Variants in ANKDD1A observed in about 807,000 individuals in gnomAD.
The protein encoded by ANKDD1A is ankyrin repeat and death domain containing 1A, also known as ankyrin repeat and death domain-containing protein 1A.
Under a neutral mutation model 63.5 loss-of-function variants are expected in ANKDD1A, and 59 were observed. The ratio of observed to expected loss-of-function variants is 0.93; its 90% CI spans 0.75 to 1.15. ANKDD1A has a LOEUF of 1.15. Ranked by LOEUF, ANKDD1A falls within the 50% of genes most tolerant of loss-of-function variation. ANKDD1A has a pLI of 0.00. For missense variants in ANKDD1A, 632 were observed against 656.4 expected (o/e 0.96, Z 0.41); for synonymous variants, 266 against 263.9 (o/e 1.01, Z -0.08).
chr15:64,917,335 A>G (rs749274219), intron 2 of ANKDD1A, 51 bp from the exon 3 acceptor site: 1 of 1,549,042 alleles, frequency 6.5e-7, no homozygotes, highest in East Asian at 2.3e-5. Context: ...GAGGTGGTCC[A>G]GGCAGCCAGG....
At position 64,942,539 on chromosome 15, in the gene ANKDD1A, G is replaced by C. The variant is rs373786884; in HGVS notation, c.940G>C (p.Asp314His). ...CTTGGTCCGGCTCCTCATCAACTCC[G>C]ACAGTGACGTGAATGCCGTGGACAA... ...PALVRLLINS[D>H]SDVNAVDNRQ... Residue 314 changes from aspartate (D) to histidine (H), a missense_variant, in exon 10 of 15, where the codon GAC (aspartate) becomes CAC (histidine). Coordinates refer to ENST00000319580, the MANE Select transcript of ANKDD1A (RefSeq NM_182703.6). The C allele has an allele frequency of 1.2e-6, 2 of 1,613,778 alleles. No individual in the cohort carries two copies. The highest frequency in any genetic ancestry group is 1.3e-5 in the African/African-American group (1 of 75,008).
Position 64,911,973 on chromosome 15 carries a change from G to A in ANKDD1A, c.34+9G>A. On this transcript the variant is annotated intron_variant, in intron 1 of 14. Transcript: ENST00000319580. ...GTGGGAGACCGACGGCCGTGAGTCT[G>A]CCTGGAGGAGGGAGGGGGGCGGGCC... 1.5e-6 allele frequency: 1 copy of A among 682,348 alleles called. No homozygotes were observed. The highest frequency in any genetic ancestry group is 5.1e-5 in the East Asian group (1 of 19,620). 42.3% of individuals were successfully genotyped at this position (682,348 alleles called of 1,614,324 possible).
At chr15:64,952,807 T>TCTTC (rs2085321494) in intron 14 of ANKDD1A, among the ~76,000 whole-genome samples, 3 of 145,062 alleles carry the variant, frequency 2.1e-5, no homozygotes, top group Non-Finnish European at 3.0e-5. Flanking sequence ...TTCTTCTCCT[T>TCTTC]CTCCTCCTTC....
intron 9 of ANKDD1A, among the ~76,000 whole-genome samples, chr15:64,935,222 T>C (rs1264661577): frequency 7.5e-5 from 5 of 66,818 alleles, no homozygotes; most frequent in South Asian, 8.3e-4. Flanking sequence ...TGAGACTCTG[T>C]CTCAAAAAAA....
rs1277861527 is a variant in ANKDD1A at position 64,945,607 on chromosome 15, C to CTTTATATATATATATATATAT, written c.1161+860_1161+861insTTTATATATATATATATATAT. On this transcript the variant is annotated intron_variant, in intron 12 of 14. Transcript: ENST00000319580. ...TTAGAGGGATTAAATGCATTTTCAACATATATATATATATATATATATATG... is the reference window on the plus strand; with the variant it reads ...TTAGAGGGATTAAATGCATTTTCAACTTTATATATATATATATATATATATATATATATATATATATATATG... Among the ~76,000 whole-genome samples the CTTTATATATATATATATATAT allele has an allele frequency of 2.3e-4, 17 of 73,860 alleles. 1 individual carries two copies. Among genetic ancestry groups the CTTTATATATATATATATATAT allele is most frequent in the African/African-American group, 1.0e-3 (17 of 16,200 alleles). 48.5% of individuals were successfully genotyped at this position (73,860 alleles called of 152,430 possible). A position where few individuals can be genotyped will look rare whatever the true frequency, so the allele number is the denominator to read the frequency against.
In ANKDD1A at chr15:64,931,599, C is replaced by T. The variant is rs760731337; in HGVS notation, c.768+14C>T. 20 of 1,613,168 alleles carry T rather than the reference C, an allele frequency of 1.2e-5. No individual in the cohort carries two copies. Among genetic ancestry groups the T allele is most frequent in the Admixed American group, 1.7e-5 (1 of 59,996 alleles). On this transcript the variant is annotated intron_variant, in intron 8 of 14. Coordinates refer to ENST00000319580, the MANE Select transcript of ANKDD1A (RefSeq NM_182703.6). ...GCCCTCACCCAGGTAGCCAGGCCCT[C>T]CCAAGACTGCGGTCGGCTCTTGGCT...
chr15:64,916,330 CTT>C (rs1040956905), intron 2 of ANKDD1A, among the ~76,000 whole-genome samples: 35 of 139,974 alleles, frequency 2.5e-4, no homozygotes, highest in Admixed American at 3.6e-4. Flanking sequence ...GGCTTTTTTT[CTT>C]TTTTTTTTTT....
At chr15:64,954,912 CTTCT>C (rs1184848664) in intron 14 of ANKDD1A, among the ~76,000 whole-genome samples, 2 of 67,282 alleles carry the variant, frequency 3.0e-5, no homozygotes, top group Non-Finnish European at 7.8e-5. Context: ...TCTCTTGTCT[CTTCT>C]CTCTCCTTCT....
intron 12 of ANKDD1A, 74 bp downstream of exon 12, chr15:64,944,821 A>G (rs2085211028): frequency 1.3e-6 from 2 of 1,517,544 alleles, no homozygotes; most frequent in Non-Finnish European, 1.8e-6. Flanking sequence ...GCTGGCTTTG[A>G]ACCCTAGGCC....
chr15:64,931,758 A>C, intron 8 of ANKDD1A, 173 bp downstream of exon 8: 1 of 663,632 alleles, frequency 1.5e-6, no homozygotes, highest in Non-Finnish European at 2.6e-6. Context: ...GGAGCAAGTT[A>C]CTTAACCTCT....
chr15:64,955,534 C>T (rs1462066070), intron 14 of ANKDD1A, among the ~76,000 whole-genome samples: 1 of 152,156 alleles, frequency 6.6e-6, no homozygotes, highest in East Asian at 1.9e-4. Context: ...GGATGTGTTT[C>T]TGGGGAATTG....
At chr15:64,930,426 A>C (rs2085080427) in intron 6 of ANKDD1A, among the ~76,000 whole-genome samples, 1 of 152,058 alleles carries the variant, frequency 6.6e-6, no homozygotes, top group Non-Finnish European at 1.5e-5. Flanking sequence ...AGGCCATGCT[A>C]CTCAATGAGA....
chr15:64,951,030 CCTT>C, intron 14 of ANKDD1A: 1 of 1,262,282 alleles, frequency 7.9e-7, no homozygotes, highest in Non-Finnish European at 1.0e-6. Context: ...AGGGGCCAGA[CCTT>C]CAGGCACGTG....
chr15:64,931,098 C>T (rs1023580359), intron 7 of ANKDD1A, among the ~76,000 whole-genome samples, 178 bp downstream of exon 7: 1 of 152,184 alleles, frequency 6.6e-6, no homozygotes, highest in African/African-American at 2.4e-5. Flanking sequence ...AATGGTAGTA[C>T]TTGGCATGAT....
intron 14 of ANKDD1A, chr15:64,950,314 T>A (rs2140384292): frequency 1.0e-6 from 1 of 985,404 alleles, no homozygotes; most frequent in South Asian, 4.7e-5. Flanking sequence ...CCTCCAGACT[T>A]TTTTCACAAA....
intron 14 of ANKDD1A, among the ~76,000 whole-genome samples, chr15:64,953,653 C>CTT (rs1369863271): frequency 0.83 from 111,052 of 133,116 alleles, 48,880 homozygotes; most frequent in East Asian, 0.98. Context: ...CTTCCTTCTC[C>CTT]TTCTTTTCTT....
chr15:64,912,130 A>AG (rs1467272953), intron 1 of ANKDD1A, among the ~76,000 whole-genome samples, 166 bp downstream of exon 1: 2 of 152,038 alleles, frequency 1.3e-5, no homozygotes, highest in Admixed American at 1.3e-4. Flanking sequence ...CACTGGGCCG[A>AG]GGGGACCTTG....
At chr15:64,954,854 TTCTTTC>T (rs1222162709) in intron 14 of ANKDD1A, among the ~76,000 whole-genome samples, 1 of 74,110 alleles carries the variant, frequency 1.3e-5, no homozygotes, top group Non-Finnish European at 3.0e-5. Context: ...TTCCTTCTTC[TTCTTTC>T]TTCTCCTTTT....
chr15:64,925,227 C>CAAAAAAAAA (rs769786433), intron 4 of ANKDD1A, among the ~76,000 whole-genome samples: 1 of 42,598 alleles, frequency 2.3e-5, no homozygotes, highest in Non-Finnish European at 5.2e-5. Flanking sequence ...GACTCCGACT[C>CAAAAAAAAA]AAAAAAAAAA....
Sources: gnomAD v4.1 joint callset for allele counts (sites outside exome capture counted in the v4.1 genomes callset) on GRCh38, gnomAD v4.1.1 for gene constraint, MANE v1.5 for transcripts, NCBI Gene and HGNC (gene_info 2026-07-23, HGNC 2026-07-21) for gene names.